Variants in ZMYM2 observed in about 807,000 individuals in gnomAD.
ZMYM2 encodes zinc finger MYM-type protein 2.
In ZMYM2, 56 loss-of-function variants were observed where a neutral mutation model predicts 162.8. That is an observed-to-expected ratio of 0.34 (90% CI 0.28 to 0.43). ZMYM2 has a LOEUF of 0.43. ZMYM2 is among the 20% of genes least tolerant of loss of function. The pLI is 1.00. For synonymous variants in ZMYM2, 510 were observed against 541.6 expected, an observed-to-expected ratio of 0.94 and a Z score of 0.81; for missense variants, 1,275 against 1,621.8, an observed-to-expected ratio of 0.79 and a Z score of 3.67.
the ZMYM2 span, among the ~76,000 whole-genome samples, chr13:19,904,322 C>T: frequency 6.6e-6 from 1 of 150,852 alleles, no homozygotes; most frequent in Admixed American, 6.6e-5. Context: ...TTTGGGAGGC[C>T]GAGGCGGGTG....
intron 13 of ZMYM2, 136 bp downstream of exon 13, chr13:20,051,734 G>A: frequency 2.4e-6 from 2 of 846,590 alleles, no homozygotes; most frequent in South Asian, 2.4e-5. Context: ...GATTCTCTGG[G>A]TCGAAGTACC....
At chr13:19,871,028 C>A in the ZMYM2 span, among the ~76,000 whole-genome samples, 1 of 151,552 alleles carries the variant, frequency 6.6e-6, no homozygotes, top group Admixed American at 6.6e-5. Context: ...TGGAAAAGTA[C>A]CAGAGAATAT....
chr13:19,876,662 T>A, the ZMYM2 span, among the ~76,000 whole-genome samples: 15,196 of 152,102 alleles, frequency 0.1, 902 homozygotes, highest in African/African-American at 0.17. Context: ...CATATAAAAT[T>A]TACCCTATTA....
Position 20,031,377 on chromosome 13 carries a change from T to G in ZMYM2, c.1910T>G (p.Leu637Trp). The change falls in exon 10 of 25, where the codon TTG becomes TGG. Residue 637 changes from leucine to tryptophan, a missense_variant. Around this residue, in one of 10 missense-constraint regions of ZMYM2, gnomAD observed 276 missense variants for 311.8 expected, o/e 0.89. Transcript: ENST00000610343. ...GQFVAPSDIQLKCNYCKNSFC... is the reference protein window; with the variant it reads ...GQFVAPSDIQWKCNYCKNSFC... ...TTTGTAGCGCCAAGTGATATTCAGT[T>G]GAAATGCAACTACTGCAAAAATTCC... The G allele has an allele frequency of 6.2e-7, 1 of 1,608,136 alleles. No individual in the cohort carries two copies. The highest frequency in any genetic ancestry group is 8.5e-7 in the Non-Finnish European group (1 of 1,178,442).
At chr13:19,988,254 A>T (rs1374382189) in intron 2 of ZMYM2, among the ~76,000 whole-genome samples, 1 of 152,234 alleles carries the variant, frequency 6.6e-6, no homozygotes, top group African/African-American at 2.4e-5. Flanking sequence ...GAGTGGTAGA[A>T]CAGTGCTCTT....
At chr13:20,012,165 G>C (rs1252379871) in intron 6 of ZMYM2, among the ~76,000 whole-genome samples, 2 of 151,422 alleles carry the variant, frequency 1.3e-5, no homozygotes, top group Non-Finnish European at 2.9e-5. Flanking sequence ...AATTACAGGC[G>C]TGAGCCTCCG....
the ZMYM2 span, among the ~76,000 whole-genome samples, chr13:19,878,198 G>A: frequency 7.3e-5 from 11 of 151,668 alleles, no homozygotes; most frequent in Admixed American, 3.3e-4. Flanking sequence ...GACTACAGGC[G>A]TGCACCACCA....
intron 7 of ZMYM2, among the ~76,000 whole-genome samples, chr13:20,022,990 TTAATG>T (rs1417153417): frequency 6.8e-6 from 1 of 146,982 alleles, no homozygotes; most frequent in African/African-American, 2.4e-5. Context: ...CTGCTTTATT[TTAATG>T]TATTTAGGAA....
the ZMYM2 span, among the ~76,000 whole-genome samples, chr13:19,941,865 G>T: frequency 3.3e-5 from 5 of 151,370 alleles, no homozygotes; most frequent in Admixed American, 3.3e-4. Flanking sequence ...TCCCACCTCA[G>T]CCTTCTGAGT....
At chr13:19,891,179 G>T in the ZMYM2 span, among the ~76,000 whole-genome samples, 1 of 151,860 alleles carries the variant, frequency 6.6e-6, no homozygotes, top group South Asian at 2.1e-4. Context: ...ACTCTAATAG[G>T]ACTAGACTAG....
At chr13:19,914,592 T>C in the ZMYM2 span, among the ~76,000 whole-genome samples, 1,034 of 152,354 alleles carry the variant, frequency 6.8e-3, 5 homozygotes, top group Middle Eastern at 0.034. Flanking sequence ...CTTACTGGAA[T>C]AGACACTTAC....
intron 12 of ZMYM2, among the ~76,000 whole-genome samples, chr13:20,045,156 G>A (rs533859302): frequency 1.3e-5 from 2 of 151,752 alleles, no homozygotes; most frequent in South Asian, 2.1e-4. Context: ...ATGGAGAACA[G>A]TATTTAGTTT....
chr13:19,905,152 C>T, the ZMYM2 span, among the ~76,000 whole-genome samples: 4 of 151,992 alleles, frequency 2.6e-5, no homozygotes, highest in East Asian at 5.8e-4. Context: ...GCTGAGACTA[C>T]AGTCATGCAC....
the ZMYM2 span, among the ~76,000 whole-genome samples, chr13:19,902,252 T>A: frequency 6.6e-6 from 1 of 152,086 alleles, no homozygotes; most frequent in Admixed American, 6.6e-5. Context: ...AAATGGGGAA[T>A]GGGGAGTTTT....
intron 21 of ZMYM2, among the ~76,000 whole-genome samples, chr13:20,069,544 T>A (rs1956926084): frequency 6.6e-6 from 1 of 151,952 alleles, no homozygotes; most frequent in African/African-American, 2.4e-5. Context: ...TATAAATGCT[T>A]ATTGAATTTT....
At chr13:19,883,886 A>T in the ZMYM2 span, among the ~76,000 whole-genome samples, 1 of 152,092 alleles carries the variant, frequency 6.6e-6, no homozygotes, top group Non-Finnish European at 1.5e-5. Context: ...CCTCCCGCGT[A>T]GCTGGGATTA....
chr13:19,975,785 C>T (rs2139373252), intron 2 of ZMYM2, among the ~76,000 whole-genome samples: 1 of 152,230 alleles, frequency 6.6e-6, no homozygotes, highest in East Asian at 1.9e-4. Context: ...TTTTTACCAG[C>T]AATACAGAAG....
chr13:20,082,139 ATTTT>A lies in ZMYM2; in HGVS notation c.3568+10_3568+13del. The A allele has an allele frequency of 6.4e-7, 1 of 1,563,526 alleles. No homozygotes were observed. Among genetic ancestry groups the A allele is most frequent in the Non-Finnish European group, 8.7e-7 (1 of 1,144,570 alleles). On this transcript the variant is annotated intron_variant, in intron 22 of 24. Coordinates refer to ENST00000610343, the MANE Select transcript of ZMYM2 (RefSeq NM_197968.4). Reference sequence around the variant, plus strand: ...AAGCATACTTCCAGATGGTAATGCTATTTTCACTAAAGGTGTTGCTCTCTTGATA... The same window carrying A: ...AAGCATACTTCCAGATGGTAATGCTACACTAAAGGTGTTGCTCTCTTGATA...
chr13:19,915,960 C>T, the ZMYM2 span, among the ~76,000 whole-genome samples: 1 of 151,094 alleles, frequency 6.6e-6, no homozygotes, highest in African/African-American at 2.4e-5. Flanking sequence ...CCCGGGTTCA[C>T]GCCATTCTCC....
Sources: allele counts gnomAD v4.1 joint callset (sites outside exome capture counted in the v4.1 genomes callset), GRCh38; gene constraint gnomAD v4.1.1; regional missense constraint gnomAD v4.1.1; transcripts MANE v1.5; gene names NCBI Gene and HGNC (gene_info 2026-07-23, HGNC 2026-07-21).